MYH7B: variants seen among roughly 807,000 people sequenced by gnomAD.
MYH7B encodes the protein myosin heavy chain 7B.
A neutral mutation model predicts 234.5 loss-of-function variants in MYH7B; 205 were observed. The observed-to-expected ratio is 0.87, with a 90% CI of 0.78 to 0.98. MYH7B has a LOEUF of 0.98. MYH7B is among the 50% of genes least tolerant of loss of function. MYH7B has a pLI of 0.00. For missense variants in MYH7B, 2,652 were observed against 2,633.4 expected, an observed-to-expected ratio of 1.01 and a Z score of -0.15; for synonymous variants, 1,193 against 1,105.0, an observed-to-expected ratio of 1.08 and a Z score of -1.58.
exon 18 of MYH7B, chr20:34,987,796 C>T: frequency 6.2e-7 from 1 of 1,614,166 alleles, no homozygotes; most frequent in Non-Finnish European, 8.5e-7. Flanking sequence ...CTGGCCAAGG[C>T]CACCTATGAC....
intron 10 of MYH7B, among the ~76,000 whole-genome samples, chr20:34,983,275 TTTTC>T (rs1230293580): frequency 5.1e-5 from 6 of 117,686 alleles, no homozygotes; most frequent in East Asian, 2.5e-4. Context: ...TCTCTTTCTT[TTTTC>T]TTTCTTTTCT....
chr20:34,977,076 C>A (rs2081865656), intron 3 of MYH7B, among the ~76,000 whole-genome samples: 1 of 122,100 alleles, frequency 8.2e-6, no homozygotes, highest in African/African-American at 3.1e-5. Flanking sequence ...CTCTCTCCCT[C>A]TCACTCCTTC....
rs370021974 is a variant in MYH7B at position 34,962,198 on chromosome 20, GC to G, written c.-222+3987del. Among the ~76,000 whole-genome samples the G allele has an allele frequency of 4.7e-3, 711 of 152,336 alleles. 10 individuals are homozygous for G. The highest frequency in any genetic ancestry group is 0.017 in the African/African-American group (689 of 41,574). ...CCTATGGTCACGCCACTGCACTCCA[GC>G]ATGGGTGACAGAGCGAGACCCTGTC... On this transcript the variant is annotated intron_variant, in intron 2 of 44. Coordinates refer to ENST00000262873, the Ensembl canonical transcript of MYH7B.
At chr20:34,976,019 A>G (rs2081850044) in intron 3 of MYH7B, among the ~76,000 whole-genome samples, 1 of 152,314 alleles carries the variant, frequency 6.6e-6, no homozygotes, top group African/African-American at 2.4e-5. Flanking sequence ...CTTGGCCGGC[A>G]CTGTAATTTT....
chr20:34,988,683 C>T (rs147020781), intron 19 of MYH7B, among the ~76,000 whole-genome samples: 7 of 152,172 alleles, frequency 4.6e-5, no homozygotes, highest in African/African-American at 1.7e-4. Flanking sequence ...GTATATTTAC[C>T]CATTGTACAA....
chr20:34,989,820 C>T lies in MYH7B; in HGVS notation c.1668C>T (p.Tyr556=), dbSNP rs377232024. ...ACGCCAGCTTCCGGGCCAAGCTCTA[C>T]GACAACCACGCGGGGAAGTCACCCA... The change falls in exon 20 of 45, where the codon TAC becomes TAT. Residue 556 remains tyrosine (Y), a synonymous_variant. Transcript: ENST00000262873. 1.1e-5 allele frequency: 17 copies of T among 1,614,180 alleles called. 1 individual carries two copies. The highest frequency in any genetic ancestry group is 3.3e-4 in the Middle Eastern group (2 of 6,062).
Position 34,981,459 on chromosome 20 carries a change from G to A in MYH7B, c.527+399G>A, listed in dbSNP as rs554495768. 1.8e-5 allele frequency: 4 copies of A among 222,870 alleles called. No homozygotes were observed. The East Asian group carries it at 6.1e-4, about 34-fold the overall frequency. The allele number at this position is 222,870 out of a possible 1,614,324, so 13.8% of individuals were successfully genotyped here. The stretch of plus-strand genomic sequence containing the variant: ...CTCTGATCTTTCCATTGCCTCTGTG[G>A]GAAAATGGTAGAATAATTCTTACAT... On this transcript the variant is annotated intron_variant, in intron 9 of 44. Transcript: ENST00000262873.
intron 43 of MYH7B, 136 bp from the exon 44 acceptor site, chr20:35,001,812 T>C (rs2082392338): frequency 6.7e-6 from 9 of 1,340,378 alleles, no homozygotes; most frequent in Admixed American, 4.4e-5. Context: ...CGCTGTGGTA[T>C]TGGTGAGGAT....
chr20:34,994,057 G>A lies in MYH7B; in HGVS notation c.2445-89G>A. The A allele has an allele frequency of 3.9e-6, 6 of 1,525,516 alleles. No individual in the cohort carries two copies. In the South Asian group the frequency reaches 5.0e-5, roughly 13 times the overall value. The allele number at this position is 1,525,516 out of a possible 1,614,324, so 94.5% of individuals were successfully genotyped here. A position where few individuals can be genotyped will look rare whatever the true frequency, so the allele number is the denominator to read the frequency against. On this transcript the variant is annotated intron_variant, in intron 26 of 44. Coordinates refer to ENST00000262873, the Ensembl canonical transcript of MYH7B. ...TAGGAGCTACTCCATGAGGCTGCTG[G>A]GAAGGCAAAACAAGTGAACTGTGCT...
At chr20:34,988,053 T>A (rs767059295) in intron 18 of MYH7B, 39 bp from the exon 19 acceptor site, 2 of 1,593,026 alleles carry the variant, frequency 1.3e-6, no homozygotes, top group South Asian at 2.3e-5. Flanking sequence ...TTTCCCCATC[T>A]GCGAGAGGTC....
At chr20:34,973,405 C>T (rs573362588) in intron 2 of MYH7B, among the ~76,000 whole-genome samples, 6 of 152,310 alleles carry the variant, frequency 3.9e-5, no homozygotes, top group Admixed American at 2.6e-4. Flanking sequence ...CAGAGTCCTT[C>T]GATGTCTTTA....
At chr20:34,974,100 T>C (rs974933416) in intron 2 of MYH7B, among the ~76,000 whole-genome samples, 1 of 152,052 alleles carries the variant, frequency 6.6e-6, no homozygotes, top group African/African-American at 2.4e-5. Context: ...AATTTTTTTG[T>C]ATTTTTAGTA....
At chr20:34,993,207 C>T in exon 25 of MYH7B, 1 of 1,613,946 alleles carries the variant, frequency 6.2e-7, no homozygotes, top group Middle Eastern at 1.7e-4. Context: ...ACACCCAGTA[C>T]CAGTTTGGCC....
At chr20:34,986,287 G>C in intron 14 of MYH7B, 89 bp downstream of exon 14, 1 of 1,025,390 alleles carries the variant, frequency 9.8e-7, no homozygotes, top group South Asian at 1.4e-5. Flanking sequence ...AGGCCCTGGT[G>C]GTCTTTCCCT....
At chr20:34,986,039 C>T (rs1298780654) in intron 13 of MYH7B, 61 bp from the exon 14 acceptor site, 1 of 1,427,698 alleles carries the variant, frequency 7.0e-7, no homozygotes, top group African/African-American at 1.4e-5. Flanking sequence ...CGCATCGCCC[C>T]CTTGGGATGT....
At chr20:34,978,405 C>T (rs906972117) in intron 5 of MYH7B, among the ~76,000 whole-genome samples, 4 of 152,118 alleles carry the variant, frequency 2.6e-5, no homozygotes, top group Non-Finnish European at 5.9e-5. Context: ...TGAGACTGAT[C>T]GGCATGTGTG....
chr20:35,000,242 G>A lies in MYH7B; in HGVS notation c.4782-51G>A, dbSNP rs1470975719. On this transcript the variant is annotated intron_variant, in intron 38 of 44. Coordinates refer to ENST00000262873, the Ensembl canonical transcript of MYH7B. ...TCCAACGGTCCTTGGGCATTTGTAA[G>A]GACAGGTATGCCCTTACGAGACCCC... 3.3e-6 allele frequency: 5 copies of A among 1,511,930 alleles called. No homozygotes were observed. The East Asian group carries it at 6.8e-5, about 21-fold the overall frequency. 93.7% of individuals were successfully genotyped at this position (1,511,930 alleles called of 1,614,324 possible). A position where few individuals can be genotyped will look rare whatever the true frequency, so the allele number is the denominator to read the frequency against.
intron 38 of MYH7B, 115 bp from the exon 39 acceptor site, chr20:35,000,178 G>A (rs1035144817): frequency 7.8e-6 from 10 of 1,282,784 alleles, no homozygotes; most frequent in African/African-American, 5.9e-5. Flanking sequence ...ACTTTAAATC[G>A]GGGAGGGGTG....
intron 32 of MYH7B, 23 bp downstream of exon 32, chr20:34,997,663 A>T: frequency 1.2e-6 from 2 of 1,611,732 alleles, no homozygotes; most frequent in Non-Finnish European, 1.7e-6. Flanking sequence ...TCCTCACCCC[A>T]TACCCACCCT....
Sources: allele counts gnomAD v4.1 joint callset (sites outside exome capture counted in the v4.1 genomes callset), GRCh38; gene constraint gnomAD v4.1.1; transcripts MANE v1.5; gene names NCBI Gene and HGNC (gene_info 2026-07-23, HGNC 2026-07-21).